Variants in HS6ST1 observed in about 807,000 individuals in gnomAD.
HS6ST1 encodes the protein heparan-sulfate 6-O-sulfotransferase 1.
HS6ST1 carries 3 observed loss-of-function variants against 25.2 expected under a neutral mutation model. The ratio of observed to expected loss-of-function variants is 0.12; its 90% CI spans 0.05 to 0.31. HS6ST1 has a LOEUF of 0.31. HS6ST1 is among the 10% of genes least tolerant of loss of function. HS6ST1 has a pLI of 1.00. For missense variants in HS6ST1, 310 were observed against 609.6 expected (o/e 0.51, Z 5.18); for synonymous variants, 204 against 275.1 (o/e 0.74, Z 2.56).
rs1285423290 is a variant in HS6ST1, at chr2:128,318,698, C to A, written c.-135G>T. On this transcript the variant is annotated 5_prime_UTR_variant, in exon 1 of 2. Transcript: ENST00000259241. This position sits in a 1 kb window ranked among gnomAD's most constrained non-coding sequence, Gnocchi z 5.7. ...GGCGCCCAGGCCGCCCGCAGCGGCG[C>A]GGGCCCCGACCCTCCGCGGTGCCAT... The A allele has an allele frequency of 1.3e-5, 2 of 153,016 alleles. No individual in the cohort carries two copies. The highest frequency in any genetic ancestry group is 4.9e-5 in the African/African-American group (2 of 40,768). The allele number at this position is 153,016 out of a possible 1,614,324, so 9.5% of individuals were successfully genotyped here.
At position 128,313,955 on chromosome 2, in the gene HS6ST1, A is replaced by C. The variant is rs551603609; in HGVS notation, c.527+4082T>G. The stretch of plus-strand genomic sequence containing the variant: ...TGTGTTTGCTTAAAAAAAAAAAAAA[A>C]GGATTTTTTATCTATTTTTAGTGAA... On this transcript the variant is annotated intron_variant, in intron 1 of 1. Transcript: ENST00000259241. 8.5e-3 allele frequency among the ~76,000 whole-genome samples: 1,282 copies of C among 151,494 alleles called. 15 individuals carry two copies. Among genetic ancestry groups the C allele is most frequent in the African/African-American group, 0.027 (1,105 of 41,090 alleles).
intron 1 of HS6ST1, among the ~76,000 whole-genome samples, chr2:128,300,334 G>C (rs1558877940): frequency 6.6e-6 from 1 of 152,142 alleles, no homozygotes. Flanking sequence ...TGGGACACTG[G>C]AGAAGAGGGG....
intron 1 of HS6ST1, chr2:128,289,837 A>C (rs1558874315): frequency 1.3e-5 from 2 of 152,266 alleles, no homozygotes. Flanking sequence ...GAGAACATGT[A>C]AGAGATAGAG....
rs1693550308 is a variant in HS6ST1 at position 128,268,099 on chromosome 2, T to C, written c.*63A>G. ...ATCCCTTGACAGTCTTGGGTGGACC[T>C]GTCGTCTGTCCTGTTTTATCCCCCA... is the stretch of plus-strand genomic sequence containing the variant. On this transcript the variant is annotated 3_prime_UTR_variant, in exon 2 of 2. Transcript: ENST00000259241. 5.1e-6 allele frequency: 6 copies of C among 1,169,378 alleles called. No individual in the cohort carries two copies. The South Asian group carries it at 5.2e-5, about 10-fold the overall frequency. 72.4% of individuals were successfully genotyped at this position (1,169,378 alleles called of 1,614,324 possible).
intron 1 of HS6ST1, among the ~76,000 whole-genome samples, chr2:128,300,665 T>A (rs1694111297): frequency 6.6e-6 from 1 of 152,108 alleles, no homozygotes; most frequent in African/African-American, 2.4e-5. Context: ...CGGACCACCT[T>A]GAGTTACGCA....
chr2:128,276,388 G>A (rs1033078510), intron 1 of HS6ST1, among the ~76,000 whole-genome samples: 4 of 152,154 alleles, frequency 2.6e-5, no homozygotes, highest in Admixed American at 2.6e-4. Flanking sequence ...AGCCTGCCTC[G>A]GCCTCCCAAA....
chr2:128,311,291 G>A (rs1694286523), intron 1 of HS6ST1, among the ~76,000 whole-genome samples: 2 of 152,334 alleles, frequency 1.3e-5, no homozygotes, highest in South Asian at 4.1e-4. Context: ...CTGCTGTGGA[G>A]TGGGCCTCAA....
intron 1 of HS6ST1, among the ~76,000 whole-genome samples, chr2:128,271,568 G>A (rs1001133312): frequency 5.9e-5 from 9 of 152,200 alleles, no homozygotes; most frequent in African/African-American, 2.2e-4. Context: ...AGCACAAAGC[G>A]GGGAGCTCGT....
chr2:128,310,595 T>TCA (rs34273895), intron 1 of HS6ST1, among the ~76,000 whole-genome samples: 103,613 of 151,620 alleles, frequency 0.68, 36,750 homozygotes, highest in African/African-American at 0.87. Flanking sequence ...AGCCCCATCT[T>TCA]CACCACGGCT....
At chr2:128,274,963 C>CAAAA (rs56898137) in intron 1 of HS6ST1, among the ~76,000 whole-genome samples, 2 of 51,236 alleles carry the variant, frequency 3.9e-5, no homozygotes, top group African/African-American at 7.6e-5. Flanking sequence ...GACTCCGTCT[C>CAAAA]AAAAAAAAAA....
intron 1 of HS6ST1, among the ~76,000 whole-genome samples, chr2:128,297,583 T>G (rs1371202962): frequency 2.6e-5 from 4 of 152,210 alleles, no homozygotes; most frequent in African/African-American, 9.7e-5. Flanking sequence ...ATTCTAGCAC[T>G]TTGGGAGGCC....
At chr2:128,285,891 G>A (rs1693853923) in intron 1 of HS6ST1, among the ~76,000 whole-genome samples, 3 of 152,194 alleles carry the variant, frequency 2.0e-5, no homozygotes, top group Admixed American at 1.3e-4. Flanking sequence ...AGCTCTGTCC[G>A]GCAAGGGGGC....
At chr2:128,274,067 G>A (rs1467490089) in intron 1 of HS6ST1, among the ~76,000 whole-genome samples, 3 of 152,162 alleles carry the variant, frequency 2.0e-5, no homozygotes, top group African/African-American at 7.2e-5. Context: ...CTGACACCTG[G>A]GACCCCACAA....
chr2:128,274,176 A>G (rs1234581366), intron 1 of HS6ST1, among the ~76,000 whole-genome samples: 3 of 152,184 alleles, frequency 2.0e-5, no homozygotes, highest in Non-Finnish European at 2.9e-5. Context: ...GAGAGAGAAA[A>G]TAGAGGAGAT....
At chr2:128,307,928 A>C (rs757298344) in intron 1 of HS6ST1, among the ~76,000 whole-genome samples, 5 of 152,224 alleles carry the variant, frequency 3.3e-5, no homozygotes, top group Non-Finnish European at 7.3e-5. Context: ...CCAAGCAGAG[A>C]TCCGTCTGGA....
chr2:128,298,461 T>C (rs761782404), intron 1 of HS6ST1, among the ~76,000 whole-genome samples: 1 of 152,146 alleles, frequency 6.6e-6, no homozygotes, highest in South Asian at 2.1e-4. Flanking sequence ...ATATGGTACA[T>C]ATAGACGATG....
rs1487796738 is a variant in HS6ST1, at chr2:128,285,208, CCTT to C, written c.528-16341_528-16339del. Among the ~76,000 whole-genome samples, 4 of 152,366 alleles carry C rather than the reference CCTT, an allele frequency of 2.6e-5. No homozygotes were observed. The East Asian group carries it at 5.8e-4, about 22-fold the overall frequency. ...GTGTTCCACGCTCTCTGGGTTCTAC[CCTT>C]CTTCTTTGTAGCCTCCCAGCCAGGG... On this transcript the variant is annotated intron_variant, in intron 1 of 1. Transcript: ENST00000259241.
At chr2:128,296,213 C>T (rs1694038215) in intron 1 of HS6ST1, among the ~76,000 whole-genome samples, 1 of 152,190 alleles carries the variant, frequency 6.6e-6, no homozygotes, top group Admixed American at 6.6e-5. Context: ...GTAATAGAGG[C>T]TGAGCTAAGA....
chr2:128,304,454 G>A (rs1483282573), intron 1 of HS6ST1, among the ~76,000 whole-genome samples: 1 of 152,212 alleles, frequency 6.6e-6, no homozygotes, highest in African/African-American at 2.4e-5. Flanking sequence ...GCACTAAGCT[G>A]TCTTTGGCTA....
Sources: allele counts gnomAD v4.1 joint callset (sites outside exome capture counted in the v4.1 genomes callset), GRCh38; gene constraint gnomAD v4.1.1; non-coding constraint Gnocchi (gnomAD v3.1); transcripts MANE v1.5; gene names NCBI Gene and HGNC (gene_info 2026-07-23, HGNC 2026-07-21).